RAB1A: variants seen among roughly 807,000 people sequenced by gnomAD.
RAB1A encodes the protein RAB1A, member RAS oncogene family.
Under a neutral mutation model 26.0 loss-of-function variants are expected in RAB1A, and 2 were observed. The observed-to-expected ratio is 0.08, with a 90% CI of 0.03 to 0.24. The LOEUF is 0.24. Among genes scored for constraint, RAB1A ranks in the 10% least tolerant of loss-of-function variants. The pLI is 1.00. For synonymous variants in RAB1A, 84 were observed against 84.9 expected (o/e 0.99, Z 0.06); for missense variants, 100 against 247.0 (o/e 0.40, Z 3.99).
At chr2:65,098,174 ACTTTT>A in intron 2 of RAB1A, 108 bp from the exon 3 acceptor site, 1 of 584,258 alleles carries the variant, frequency 1.7e-6, no homozygotes. Flanking sequence ...AAAAAAGTTT[ACTTTT>A]ATCTACAGTC....
chr2:65,121,240 A>G (rs1408773102), intron 1 of RAB1A, among the ~76,000 whole-genome samples: 5 of 151,178 alleles, frequency 3.3e-5, no homozygotes, highest in Non-Finnish European at 5.9e-5. Flanking sequence ...GTCTCGAAAA[A>G]AAAAAAAAAA....
rs1369863651 is a variant in RAB1A, at chr2:65,088,478, G to A, written c.*15C>T. ...TTGCAAATTCATTGCTGTGAGAAAA[G>A]GATGGAGGCAAATTTTAGCAGCAAC... is the stretch of plus-strand genomic sequence containing the variant. On this transcript the variant is annotated 3_prime_UTR_variant, in exon 6 of 6. Transcript: ENST00000409784. The A allele has an allele frequency of 6.3e-7, 1 of 1,588,066 alleles. No homozygotes were observed. Among genetic ancestry groups the A allele is most frequent in the African/African-American group, 1.3e-5 (1 of 74,242 alleles).
chr2:65,121,248 A>AC (rs1353198057), intron 1 of RAB1A, among the ~76,000 whole-genome samples: 2 of 151,524 alleles, frequency 1.3e-5, no homozygotes, highest in East Asian at 1.9e-4. Flanking sequence ...AAAAAAAAAA[A>AC]AAAAAACCAT....
intron 1 of RAB1A, among the ~76,000 whole-genome samples, chr2:65,108,056 CAA>C (rs59507384): frequency 4.7e-5 from 6 of 127,166 alleles, no homozygotes; most frequent in Non-Finnish European, 4.9e-5. Context: ...AGAGGAGTCT[CAA>C]AAAAAAAAAA....
chr2:65,104,627 G>A (rs1219711488), intron 2 of RAB1A, 107 bp downstream of exon 2: 6 of 845,316 alleles, frequency 7.1e-6, no homozygotes, highest in Non-Finnish European at 1.1e-5. Flanking sequence ...ATAAATTCTG[G>A]AAGAATTAAC....
At chr2:65,120,317 C>T (rs372436559) in intron 1 of RAB1A, among the ~76,000 whole-genome samples, 19 of 151,814 alleles carry the variant, frequency 1.3e-4, no homozygotes, top group East Asian at 1.2e-3. Context: ...ATTAGCTGGG[C>T]GTGGTGGCGC....
chr2:65,094,592 AAAAAAAAG>A, intron 3 of RAB1A, among the ~76,000 whole-genome samples: 1 of 151,978 alleles, frequency 6.6e-6, no homozygotes, highest in African/African-American at 2.4e-5. Flanking sequence ...CTCAAAAAAA[AAAAAAAAG>A]AAAAAAGAAA....
intron 1 of RAB1A, among the ~76,000 whole-genome samples, chr2:65,127,323 A>G (rs1367547987): frequency 2.0e-5 from 3 of 152,098 alleles, no homozygotes; most frequent in African/African-American, 7.2e-5. Context: ...CTCTTCTATA[A>G]AGTCTTCCAA....
chr2:65,091,151 G>A (rs916628579), intron 3 of RAB1A, 73 bp from the exon 4 acceptor site: 40 of 1,176,918 alleles, frequency 3.4e-5, no homozygotes, highest in South Asian at 1.3e-4. Flanking sequence ...GGAGGGAGGG[G>A]AAATAGTTTA....
At chr2:65,121,735 T>C (rs1179369885) in intron 1 of RAB1A, among the ~76,000 whole-genome samples, 2 of 152,134 alleles carry the variant, frequency 1.3e-5, no homozygotes, top group Non-Finnish European at 2.9e-5. Flanking sequence ...AGCCCCACCT[T>C]CTATAGGGAA....
chr2:65,103,303 A>AAAAAAAAAACAAACAAAC (rs1669477726), intron 2 of RAB1A, among the ~76,000 whole-genome samples: 1 of 150,060 alleles, frequency 6.7e-6, no homozygotes, highest in African/African-American at 2.4e-5. Context: ...CTGTCTCAAA[A>AAAAAAAAAACAAACAAAC]AAAAAAAAAA....
intron 2 of RAB1A, among the ~76,000 whole-genome samples, chr2:65,099,320 A>T (rs899147556): frequency 6.6e-6 from 1 of 152,236 alleles, no homozygotes; most frequent in Non-Finnish European, 1.5e-5. Flanking sequence ...TTAAACTTTT[A>T]AAATTATAAC....
chr2:65,100,119 G>A (rs1669384625), intron 2 of RAB1A, among the ~76,000 whole-genome samples: 1 of 152,152 alleles, frequency 6.6e-6, no homozygotes. Flanking sequence ...TTAGAAATAT[G>A]GGCCGGGCAT....
At chr2:65,102,891 A>G (rs1573073227) in intron 2 of RAB1A, among the ~76,000 whole-genome samples, 1 of 151,376 alleles carries the variant, frequency 6.6e-6, no homozygotes, top group African/African-American at 2.4e-5. Context: ...GTGCCACTGC[A>G]CTCCAGCCTG....
chr2:65,091,172 CTG>C, intron 3 of RAB1A, 94 bp from the exon 4 acceptor site: 2 of 909,530 alleles, frequency 2.2e-6, no homozygotes, highest in East Asian at 5.2e-5. Flanking sequence ...GTTTTCATAA[CTG>C]TGGAGATTAT....
intron 1 of RAB1A, among the ~76,000 whole-genome samples, chr2:65,115,701 A>G (rs1343429212): frequency 6.6e-6 from 1 of 152,220 alleles, no homozygotes; most frequent in African/African-American, 2.4e-5. Context: ...TTAAAGAAAT[A>G]GTCAAGCAAT....
rs564511755 is a variant in RAB1A at position 65,104,358 on chromosome 2, A to G, written c.96+376T>C. ...GACTGCAGGCATGATCCACTGCGTC[A>G]CCTGGCTCTGCTTTTTCTTCTTATT... On this transcript the variant is annotated intron_variant, in intron 2 of 5. Coordinates refer to ENST00000409784, the MANE Select transcript of RAB1A (RefSeq NM_004161.5). 3.3e-5 allele frequency among the ~76,000 whole-genome samples: 5 copies of G among 152,268 alleles called. No homozygotes were observed. In the South Asian group the frequency reaches 1.0e-3, roughly 32 times the overall value.
At chr2:65,126,212 A>G (rs1670098307) in intron 1 of RAB1A, among the ~76,000 whole-genome samples, 1 of 151,776 alleles carries the variant, frequency 6.6e-6, no homozygotes, top group South Asian at 2.1e-4. Flanking sequence ...TACTCAGGAG[A>G]CCAAGGCAGG....
At chr2:65,114,862 A>AC (rs1247802192) in intron 1 of RAB1A, among the ~76,000 whole-genome samples, 1 of 57,044 alleles carries the variant, frequency 1.8e-5, no homozygotes, top group Non-Finnish European at 4.7e-5. Flanking sequence ...AAAAAAAAAA[A>AC]ACAAAAAAAA....
Sources: gnomAD v4.1 joint callset for allele counts (sites outside exome capture counted in the v4.1 genomes callset) on GRCh38, gnomAD v4.1.1 for gene constraint, MANE v1.5 for transcripts, NCBI Gene and HGNC (gene_info 2026-07-23, HGNC 2026-07-21) for gene names.